SSX1: variants seen among roughly 807,000 people sequenced by gnomAD.
SSX1 encodes the protein SSX family member 1.
A neutral mutation model predicts 14.6 loss-of-function variants in SSX1; 58 were observed. The ratio of observed to expected loss-of-function variants is 3.96; its 90% CI spans 3.21 to 4.93. SSX1 has a LOEUF of 4.93. SSX1 is among the 30% of genes most tolerant of loss of function. The pLI is 0.00. For missense variants in SSX1, 272 were observed against 143.1 expected, an observed-to-expected ratio of 1.90 and a Z score of -4.60; for synonymous variants, 46 against 52.1, an observed-to-expected ratio of 0.88 and a Z score of 0.50.
At chrX:48,260,856 G>A (rs1185824993) in intron 4 of SSX1, among the ~76,000 whole-genome samples, 1 of 111,989 alleles carries the variant, frequency 8.9e-6, no homozygotes, top group Non-Finnish European at 1.9e-5. Flanking sequence ...ACAGCATGTA[G>A]ATATTGGATA....
intron 6 of SSX1, among the ~76,000 whole-genome samples, chrX:48,266,009 A>G (rs1408152093): frequency 8.9e-6 from 1 of 112,016 alleles, no homozygotes; most frequent in Non-Finnish European, 1.9e-5. Context: ...ATACGTGCTG[A>G]ATGAAAGGAG....
At chrX:48,256,975 C>T (rs1456291475) in intron 1 of SSX1, among the ~76,000 whole-genome samples, 2 of 110,687 alleles carry the variant, frequency 1.8e-5, no homozygotes, top group African/African-American at 6.6e-5. Context: ...CACTAGCCAA[C>T]CCCCTCCCAA....
intron 4 of SSX1, among the ~76,000 whole-genome samples, chrX:48,259,595 T>G (rs1306310616): frequency 9.0e-6 from 1 of 111,001 alleles, no homozygotes; most frequent in Non-Finnish European, 1.9e-5. Flanking sequence ...ACGCCATCCC[T>G]TCCCCCTCTC....
intron 6 of SSX1, 30 bp downstream of exon 6, chrX:48,263,947 T>C: frequency 8.3e-7 from 1 of 1,200,580 alleles, no homozygotes; most frequent in South Asian, 1.8e-5. Context: ...GAACAACTTC[T>C]CTGGCTTTTC....
chrX:48,261,697 C>G (rs1556935485), intron 4 of SSX1, 69 bp from the exon 5 acceptor site: 1 of 1,124,203 alleles, frequency 8.9e-7, no homozygotes, highest in African/African-American at 1.8e-5. Context: ...TGCCCTCATG[C>G]AACGGAAGTC....
Position 48,261,862 on chromosome X carries a change from A to G in SSX1, c.330+47A>G. 3.4e-6 allele frequency: 4 copies of G among 1,183,580 alleles called. No individual in the cohort carries two copies. In the East Asian group the frequency reaches 8.9e-5, roughly 26 times the overall value. On this transcript the variant is annotated intron_variant, in intron 5 of 7. Coordinates refer to ENST00000376919, the MANE Select transcript of SSX1 (RefSeq NM_005635.4). The stretch of plus-strand genomic sequence containing the variant: ...AGGACCAGAGAACCTTTTTCCTTTC[A>G]TGGATGTGAACACTGATAAGACAGG...
chrX:48,258,185 CTTTTTTTTTTTTTT>C (rs1201912440), intron 3 of SSX1, among the ~76,000 whole-genome samples: 5 of 72,938 alleles, frequency 6.9e-5, no homozygotes, highest in Non-Finnish European at 1.2e-4. Flanking sequence ...CTCTCTCTCC[CTTTTTTTTTTTTTT>C]TTTTTTTTTT....
At chrX:48,261,009 C>T (rs1161885274) in intron 4 of SSX1, among the ~76,000 whole-genome samples, 16 of 111,502 alleles carry the variant, frequency 1.4e-4, no homozygotes, top group African/African-American at 5.2e-4. Flanking sequence ...AAGAGTGACC[C>T]CTCATCCAAC....
In SSX1 at chrX:48,257,257, A is replaced by G. The variant is rs782474783; in HGVS notation, c.16A>G (p.Thr6Ala). ...TCCTGGTGCCATGAACGGAGACGAC[A>G]CCTTTGCAAAGAGACCCAGGGATGA... is the stretch of plus-strand genomic sequence containing the variant. MNGDDTFAKRPRDDAK... is the reference protein window; with the variant it reads MNGDDAFAKRPRDDAK... Residue 6 changes from threonine to alanine, a missense_variant, in exon 2 of 8, where the codon ACC becomes GCC. By Grantham distance (58) the Thr-to-Ala change is moderately conservative (BLOSUM62 0). Transcript: ENST00000376919. 18 of 1,209,161 alleles carry G rather than the reference A, an allele frequency of 1.5e-5. No individual in the cohort carries two copies. In the Admixed American group the frequency reaches 1.5e-4, roughly 10 times the overall value.
chrX:48,261,274 C>T (rs1177373091), intron 4 of SSX1, among the ~76,000 whole-genome samples: 1 of 111,825 alleles, frequency 8.9e-6, no homozygotes, highest in Non-Finnish European at 1.9e-5. Flanking sequence ...TCTGAAACTC[C>T]AGTGCTTGAG....
At chrX:48,256,442 T>A (rs1217343187) in intron 1 of SSX1, among the ~76,000 whole-genome samples, 1 of 101,878 alleles carries the variant, frequency 9.8e-6, no homozygotes, top group African/African-American at 3.6e-5. Context: ...CCCAGCTAAT[T>A]TTTTGTGTGG....
chrX:48,258,994 T>C (rs2059594161), intron 4 of SSX1, among the ~76,000 whole-genome samples: 1 of 71,808 alleles, frequency 1.4e-5, no homozygotes. Flanking sequence ...TTTTGTTTCG[T>C]TTTGTTTTGT....
intron 4 of SSX1, among the ~76,000 whole-genome samples, chrX:48,260,928 A>G (rs2059601752): frequency 8.9e-6 from 1 of 111,810 alleles, no homozygotes; most frequent in Non-Finnish European, 1.9e-5. Flanking sequence ...TCCATACTTT[A>G]TTGAAACCAA....
At chrX:48,256,455 G>T (rs376769501) in intron 1 of SSX1, among the ~76,000 whole-genome samples, 6 of 31,159 alleles carry the variant, frequency 1.9e-4, no homozygotes, top group African/African-American at 5.3e-4. Flanking sequence ...TTGTGTGGTT[G>T]TTTTTTTTTT....
chrX:48,266,479 C>T (rs782649354), intron 7 of SSX1, 88 bp downstream of exon 7: 144 of 1,186,290 alleles, frequency 1.2e-4, no homozygotes, highest in Admixed American at 7.5e-4. Context: ...ATTTGTTTCC[C>T]AAATCATTCC....
Position 48,257,431 on chromosome X carries a change from A to G in SSX1, c.69+121A>G, listed in dbSNP as rs781987462. 60 of 1,164,369 alleles carry G rather than the reference A, an allele frequency of 5.2e-5. 2 individuals are homozygous for G. The South Asian group carries it at 1.1e-3, about 22-fold the overall frequency. On this transcript the variant is annotated intron_variant, in intron 2 of 7. Coordinates refer to ENST00000376919, the MANE Select transcript of SSX1 (RefSeq NM_005635.4). ...GAGCAGGGTCTCGGGGGAGATCTGG[A>G]CCCTTGGGAGCCTCCCACCTGTGTT...
In SSX1 at chrX:48,257,751, T is replaced by G; in HGVS notation, c.75T>G (p.Phe25Leu). 8.3e-7 allele frequency: 1 copy of G among 1,197,737 alleles called. No homozygotes were observed. Among genetic ancestry groups the G allele is most frequent in the Non-Finnish European group, 1.1e-6 (1 of 885,780 alleles). Residue 25 changes from phenylalanine (F) to leucine (L), a missense_variant, in exon 3 of 8, where the codon TTT (phenylalanine) becomes TTG (leucine). Coordinates refer to ENST00000376919, the MANE Select transcript of SSX1 (RefSeq NM_005635.4). ...TTTTATTTTATTTTTTTTAGGCCTTTGATGATATTGCCACATACTTCTCTA... is the reference window on the plus strand; with the variant it reads ...TTTTATTTTATTTTTTTTAGGCCTTGGATGATATTGCCACATACTTCTCTA... The part of the protein sequence containing the change: ...AKASEKRSKA[F>L]DDIATYFSKK...
chrX:48,260,791 A>T (rs1458834454), intron 4 of SSX1, among the ~76,000 whole-genome samples: 4 of 112,325 alleles, frequency 3.6e-5, no homozygotes, highest in Non-Finnish European at 7.5e-5. Flanking sequence ...AGTGAAAAAA[A>T]AAGAAACTAT....
chrX:48,261,186 T>C (rs1556935410), intron 4 of SSX1, among the ~76,000 whole-genome samples: 1 of 112,172 alleles, frequency 8.9e-6, no homozygotes, highest in Non-Finnish European at 1.9e-5. Context: ...TCAGAGTGTC[T>C]AAACTGTCTT....
Sources: allele counts gnomAD v4.1 joint callset (sites outside exome capture counted in the v4.1 genomes callset), GRCh38; gene constraint gnomAD v4.1.1; transcripts MANE v1.5; gene names NCBI Gene and HGNC (gene_info 2026-07-23, HGNC 2026-07-21).